The following CYB561A3 variants were observed in gnomAD, a reference collection of about 807,000 sequenced individuals.
CYB561A3 encodes lysosomal membrane ascorbate-dependent ferrireductase CYB561A3.
A neutral mutation model predicts 25.3 loss-of-function variants in CYB561A3; 16 were observed. The observed-to-expected ratio is 0.63, with a 90% CI of 0.43 to 0.96. The LOEUF is 0.96. CYB561A3 is among the 40% of genes least tolerant of loss of function. The probability of loss-of-function intolerance (pLI) is 0.00; values close to 1 mark genes in which losing one functional copy is unlikely to be tolerated. For synonymous variants in CYB561A3, 131 were observed against 129.9 expected (o/e 1.01, Z -0.06); for missense variants, 219 against 307.5 (o/e 0.71, Z 2.15).
At chr11:61,356,195 T>C (rs141353550) in intron 3 of CYB561A3, 64 of 253,994 alleles carry the variant, frequency 2.5e-4, no homozygotes, top group African/African-American at 1.3e-3. Context: ...TCCACACTTG[T>C]GTGTATGTGT....
chr11:61,351,284 CTTTTTTTTTTTTT>C, intron 5 of CYB561A3, 137 bp from the exon 6 acceptor site: 3 of 292,110 alleles, frequency 1.0e-5, no homozygotes, highest in Non-Finnish European at 1.7e-5. Context: ...AACACCCTTT[CTTTTTTTTTTTTT>C]TTTTTTTTTT....
At chr11:61,361,976 T>G (rs1171300868), upstream of CYB561A3, 2 of 151,814 alleles carry the variant, frequency 1.3e-5, no homozygotes, top group Non-Finnish European at 1.5e-5. Context: ...AGACCAGGGG[T>G]GGCCGGCTCC....
chr11:61,353,544 A>G lies in CYB561A3; in HGVS notation c.393+240T>C, dbSNP rs561113277. ...GAGTCAGCATAGTGCGTGCCATGACAAAGTTAGCAGAGAGGGCTCTGGGAC... is the reference window on the plus strand; with the variant it reads ...GAGTCAGCATAGTGCGTGCCATGACGAAGTTAGCAGAGAGGGCTCTGGGAC... On this transcript the variant is annotated intron_variant, in intron 4 of 6. Transcript: ENST00000294072. 13 of 694,760 alleles carry G rather than the reference A, an allele frequency of 1.9e-5. No homozygotes were observed. The Middle Eastern group carries it at 2.6e-3, about 139-fold the overall frequency. The allele number at this position is 694,760 out of a possible 1,614,324, so 43.0% of individuals were successfully genotyped here.
intron 6 of CYB561A3, 152 bp from the exon 7 acceptor site, chr11:61,350,574 C>T: frequency 1.1e-6 from 1 of 894,962 alleles, no homozygotes; most frequent in South Asian, 1.6e-5. Context: ...GAGCCTGGTA[C>T]ACACCCCGTC....
rs1388691322 is a variant in CYB561A3 at position 61,349,095 on chromosome 11, C to A, written c.*1304G>T. The A allele has an allele frequency of 5.6e-6, 1 of 178,098 alleles. No homozygotes were observed. The highest frequency in any genetic ancestry group is 2.3e-5 in the African/African-American group (1 of 42,936). 11.0% of individuals were successfully genotyped at this position (178,098 alleles called of 1,614,324 possible). ...TCACTTGCTTACTAAGCACAGCAGT[C>A]TGAAGCTTGGGACCTGGCAGTGCGT... is the stretch of plus-strand genomic sequence containing the variant. On this transcript the variant is annotated 3_prime_UTR_variant, in exon 7 of 7. Coordinates refer to ENST00000294072, the MANE Select transcript of CYB561A3 (RefSeq NM_153611.6).
intron 6 of CYB561A3, 196 bp from the exon 7 acceptor site, chr11:61,350,618 T>A (rs775979188): frequency 3.0e-6 from 2 of 657,702 alleles, no homozygotes; most frequent in Non-Finnish European, 5.2e-6. Flanking sequence ...CTCTGAGCAC[T>A]CAGCTGGTCA....
Position 61,350,242 on chromosome 11 carries a change from C to T in CYB561A3, c.*157G>A. The T allele has an allele frequency of 1.1e-6, 1 of 949,770 alleles. No homozygotes were observed. Among genetic ancestry groups the T allele is most frequent in the South Asian group, 1.7e-5 (1 of 60,258 alleles). The allele number at this position is 949,770 out of a possible 1,614,324, so 58.8% of individuals were successfully genotyped here. A position where few individuals can be genotyped will look rare whatever the true frequency, so the allele number is the denominator to read the frequency against. On this transcript the variant is annotated 3_prime_UTR_variant, in exon 7 of 7. Coordinates refer to ENST00000294072, the MANE Select transcript of CYB561A3 (RefSeq NM_153611.6). ...AGGAAAGCAGACAGGCAGCAAGCGG[C>T]CGGAGAGGGCAGGCCAGCACCCAGG...
At chr11:61,351,272 T>C in intron 5 of CYB561A3, 125 bp from the exon 6 acceptor site, 1 of 1,010,112 alleles carries the variant, frequency 9.9e-7, no homozygotes, top group Non-Finnish European at 1.3e-6. Flanking sequence ...ATCTAGAATT[T>C]TAACACCCTT....
chr11:61,349,345 A>G lies in CYB561A3; in HGVS notation c.*1054T>C, dbSNP rs1434002461. On this transcript the variant is annotated 3_prime_UTR_variant, in exon 7 of 7. Transcript: ENST00000294072. ...GCAGTGGCTCCCAGGGCTGCTGCAC[A>G]CTGGACACCACAACTTTGGCATCAG... 5.3e-6 allele frequency: 3 copies of G among 560,750 alleles called. No individual in the cohort carries two copies. Among genetic ancestry groups the G allele is most frequent in the Non-Finnish European group, 9.7e-6 (3 of 309,114 alleles). The allele number at this position is 560,750 out of a possible 1,614,324, so 34.7% of individuals were successfully genotyped here. A position where few individuals can be genotyped will look rare whatever the true frequency, so the allele number is the denominator to read the frequency against.
rs996753192 is a variant in CYB561A3 at position 61,361,387 on chromosome 11, A to C, written c.-112+346T>G. 2.6e-5 allele frequency: 4 copies of C among 152,166 alleles called. No homozygotes were observed. In the South Asian group the frequency reaches 6.2e-4, roughly 24 times the overall value. The allele number at this position is 152,166 out of a possible 1,614,324, so 9.4% of individuals were successfully genotyped here. A position where few individuals can be genotyped will look rare whatever the true frequency, so the allele number is the denominator to read the frequency against. Reference sequence around the variant, plus strand: ...ACAAGTTACCCCTTAGCACCGGAATAATTATAGACCCCGACTTCAGGCTGT... The same window carrying C: ...ACAAGTTACCCCTTAGCACCGGAATCATTATAGACCCCGACTTCAGGCTGT... On this transcript the variant is annotated intron_variant, in intron 1 of 6. Coordinates refer to ENST00000294072, the MANE Select transcript of CYB561A3 (RefSeq NM_153611.6).
In CYB561A3 at chr11:61,349,765, T is replaced by A; in HGVS notation, c.*634A>T. On this transcript the variant is annotated 3_prime_UTR_variant, in exon 7 of 7. Transcript: ENST00000294072. ...TGCGTGGGCCGCCACTCCCCCTTTC[T>A]GCAATCACCCCATGATGTCTCCACC... 1.5e-6 allele frequency: 1 copy of A among 653,456 alleles called. No individual in the cohort carries two copies. The highest frequency in any genetic ancestry group is 2.8e-5 in the East Asian group (1 of 36,272). The allele number at this position is 653,456 out of a possible 1,614,324, so 40.5% of individuals were successfully genotyped here. A position where few individuals can be genotyped will look rare whatever the true frequency, so the allele number is the denominator to read the frequency against.
Position 61,353,002 on chromosome 11 carries a change from C to T in CYB561A3, c.531G>A (p.Glu177=). ...GCACTCACAAACTGAAGAAAAGCTTCTCATTAATGCCCGAAATGACGGATG... is the reference window on the plus strand; with the variant it reads ...GCACTCACAAACTGAAGAAAAGCTTTTCATTAATGCCCGAAATGACGGATG... The part of the protein sequence containing the change: ...SIASVISGIN[E]KLFFSLKNTT... Residue 177 remains glutamate, a synonymous_variant, in exon 5 of 7, where the codon GAG becomes GAA. Transcript: ENST00000294072. 6.2e-7 allele frequency: 1 copy of T among 1,614,122 alleles called. No homozygotes were observed. The highest frequency in any genetic ancestry group is 8.5e-7 in the Non-Finnish European group (1 of 1,180,018).
In CYB561A3 at chr11:61,356,549, C is replaced by T. The variant is rs919973325; in HGVS notation, c.165G>A (p.Met55Ile). Residue 55 changes from methionine to isoleucine, a missense_variant, in exon 3 of 7, where the codon ATG (methionine) becomes ATA (isoleucine). Transcript: ENST00000294072. The stretch of plus-strand genomic sequence containing the variant: ...ACTCACCACCTCCATAGAATACCAC[C>T]ATGCCAGCAACCATAAGCACTGGGT... Reference protein sequence around the residue: ...NWHPVLMVAGMVVFYGGASLV... With the variant: ...NWHPVLMVAGIVVFYGGASLV... 5 of 1,613,998 alleles carry T rather than the reference C, an allele frequency of 3.1e-6. No homozygotes were observed. The African/African-American group carries it at 6.7e-5, about 22-fold the overall frequency.
Position 61,349,415 on chromosome 11 carries a change from C to G in CYB561A3, c.*984G>C, listed in dbSNP as rs1857290563. On this transcript the variant is annotated 3_prime_UTR_variant, in exon 7 of 7. Transcript: ENST00000294072. ...GTGGTCAGAGGGGCTGGGGCCCTGC[C>G]AAGAGAGCAAGGCCAGACCTGCCCA... is the stretch of plus-strand genomic sequence containing the variant. 1.9e-5 allele frequency: 12 copies of G among 632,330 alleles called. No homozygotes were observed. In the South Asian group the frequency reaches 1.9e-4, roughly 10 times the overall value. 39.2% of individuals were successfully genotyped at this position (632,330 alleles called of 1,614,324 possible). A position where few individuals can be genotyped will look rare whatever the true frequency, so the allele number is the denominator to read the frequency against.
At position 61,351,113 on chromosome 11, in the gene CYB561A3, T is replaced by G; in HGVS notation, c.583A>C (p.Ser195Arg). Residue 195 changes from serine to arginine, a missense_variant, in exon 6 of 7, where the codon AGT becomes CGT. Ser to Arg is a moderately radical substitution (Grantham distance 110). Transcript: ENST00000294072. Reference sequence around the variant, plus strand: ...GTGCTGTTGGCAAAGACCGCCTCACTGGGCAGGCTGTGGTATGGCCTGGTG... The same window carrying G: ...GTGCTGTTGGCAAAGACCGCCTCACGGGGCAGGCTGTGGTATGGCCTGGTG... ...NTTRPYHSLP[S>R]EAVFANSTGM... 6.2e-7 allele frequency: 1 copy of G among 1,613,790 alleles called. No individual in the cohort carries two copies.
At position 61,353,909 on chromosome 11, in the gene CYB561A3, C is replaced by T. The variant is rs1329039252; in HGVS notation, c.268G>A (p.Ala90Thr). 1 of 1,614,184 alleles carries T rather than the reference C, an allele frequency of 6.2e-7. No homozygotes were observed. The highest frequency in any genetic ancestry group is 8.5e-7 in the Non-Finnish European group (1 of 1,180,036). ...KLLHAALHLMAFVLTVVGLVA... is the reference protein window; with the variant it reads ...KLLHAALHLMTFVLTVVGLVA... ...AGCCCCACAACAGTGAGGACGAAGG[C>T]CATCAGGTGCAGCGCTGCATGGAGG... Residue 90 changes from alanine to threonine, a missense_variant, in exon 4 of 7, where the codon GCC (alanine) becomes ACC (threonine). Ala to Thr is a moderately conservative substitution (Grantham distance 58). Transcript: ENST00000294072.
chr11:61,350,474 A>G (rs1182517671), intron 6 of CYB561A3, 52 bp from the exon 7 acceptor site: 1 of 1,601,668 alleles, frequency 6.2e-7, no homozygotes, highest in Non-Finnish European at 8.5e-7. Context: ...CAGGAGTCAC[A>G]CCAGGCCCAA....
chr11:61,356,360 C>A, intron 3 of CYB561A3, 170 bp downstream of exon 3: 1 of 938,384 alleles, frequency 1.1e-6, no homozygotes, highest in Admixed American at 2.8e-5. Context: ...AGATGCCCCC[C>A]ATCTTAACCC....
intron 5 of CYB561A3, chr11:61,351,618 A>G (rs2061334481): frequency 6.6e-6 from 1 of 151,898 alleles, no homozygotes; most frequent in African/African-American, 2.4e-5. Context: ...AAGTCCCTGC[A>G]AATATTTGTA....
Sources: gnomAD v4.1 joint callset for allele counts on GRCh38, gnomAD v4.1.1 for gene constraint, MANE v1.5 for transcripts, NCBI Gene and HGNC (gene_info 2026-07-23, HGNC 2026-07-21) for gene names.